DCHS2: variants seen among roughly 807,000 people sequenced by gnomAD.
The protein encoded by DCHS2 is protocadherin-23.
DCHS2 carries 142 observed loss-of-function variants against 182.4 expected under a neutral mutation model. The ratio of observed to expected loss-of-function variants is 0.78; its 90% CI spans 0.68 to 0.89. The LOEUF (loss-of-function observed/expected upper bound fraction) is 0.89, where lower values mean the gene tolerates loss of function less well. Ranked by LOEUF, DCHS2 falls within the 40% of genes least tolerant of loss-of-function variation. The pLI is 0.00. For synonymous variants in DCHS2, 1,740 were observed against 1,663.3 expected (o/e 1.05, Z -1.12); for missense variants, 4,319 against 4,198.6 (o/e 1.03, Z -0.79).
chr4:154,457,814 G>C (rs1210655948), intron 1 of DCHS2, among the ~76,000 whole-genome samples: 6 of 152,070 alleles, frequency 3.9e-5, no homozygotes, highest in Admixed American at 2.0e-4. Context: ...AGTACACCTG[G>C]GGGGAGCACG....
At position 154,329,831 on chromosome 4, in the gene DCHS2, A is replaced by G. The variant is rs1017267226; in HGVS notation, c.3731-121T>C. On this transcript the variant is annotated intron_variant, in intron 5 of 19. Transcript: ENST00000357232. ...GAGCAAATATGCGACTTCTAAGACC[A>G]TCTACATAGTAGTTTGGCTCTATGG... The G allele has an allele frequency of 2.4e-5, 20 of 849,446 alleles. No individual in the cohort carries two copies. The Admixed American group carries it at 5.5e-4, about 23-fold the overall frequency. 52.6% of individuals were successfully genotyped at this position (849,446 alleles called of 1,614,324 possible).
intron 1 of DCHS2, among the ~76,000 whole-genome samples, chr4:154,389,516 T>TTATATACATATATATATATATATATATA (rs1731576844): frequency 9.0e-6 from 1 of 111,132 alleles, no homozygotes; most frequent in Non-Finnish European, 2.0e-5. Flanking sequence ...AAGACAAAGG[T>TTATATACATATATATATATATATATATA]TATATATATA....
intron 1 of DCHS2, among the ~76,000 whole-genome samples, chr4:154,412,393 C>G (rs918084077): frequency 6.6e-6 from 1 of 152,084 alleles, no homozygotes; most frequent in Admixed American, 6.6e-5. Context: ...AGTCTAGCTG[C>G]CTTTCTCATC....
At chr4:154,477,248 C>A (rs1579119155) in intron 1 of DCHS2, among the ~76,000 whole-genome samples, 1 of 152,248 alleles carries the variant, frequency 6.6e-6, no homozygotes, top group Admixed American at 6.5e-5. Context: ...AGATTCAACT[C>A]CTCTCTCTTT....
At chr4:154,331,768 A>G in intron 5 of DCHS2, 2 of 1,554,640 alleles carry the variant, frequency 1.3e-6, no homozygotes, top group South Asian at 1.2e-5. Context: ...CTTTGGGTGT[A>G]CTACTCGAGC....
At chr4:154,332,380 ATT>A in intron 5 of DCHS2, 96 bp downstream of exon 5, 3 of 1,136,384 alleles carry the variant, frequency 2.6e-6, no homozygotes, top group African/African-American at 1.6e-5. Context: ...CTCAATCCTG[ATT>A]TTGTTTAATT....
At chr4:154,255,055 C>A (rs1487938623) in intron 16 of DCHS2, among the ~76,000 whole-genome samples, 2 of 152,146 alleles carry the variant, frequency 1.3e-5, no homozygotes, top group African/African-American at 4.8e-5. Flanking sequence ...AAGATCATTT[C>A]TATTAGAACA....
At chr4:154,457,379 A>T (rs1267666334) in intron 1 of DCHS2, among the ~76,000 whole-genome samples, 1 of 152,138 alleles carries the variant, frequency 6.6e-6, no homozygotes, top group Non-Finnish European at 1.5e-5. Context: ...ACCTTCTTTT[A>T]TCCTATTAAC....
intron 1 of DCHS2, among the ~76,000 whole-genome samples, chr4:154,420,067 C>T (rs1733039522): frequency 6.6e-6 from 1 of 151,968 alleles, no homozygotes; most frequent in Non-Finnish European, 1.5e-5. Context: ...GTTAGTTTAA[C>T]ACAGGTAGAA....
At chr4:154,414,194 T>G (rs71605203) in intron 1 of DCHS2, among the ~76,000 whole-genome samples, 45,488 of 142,504 alleles carry the variant, frequency 0.32, 7,800 homozygotes, top group Admixed American at 0.42. Context: ...TATATATATA[T>G]ATAGAGAGAG....
intron 15 of DCHS2, among the ~76,000 whole-genome samples, chr4:154,257,052 A>G (rs911639754): frequency 3.9e-5 from 6 of 152,156 alleles, no homozygotes; most frequent in African/African-American, 1.2e-4. Context: ...GATCAAGACC[A>G]TCCTGGCCAA....
chr4:154,470,937 A>G (rs1487957643), intron 1 of DCHS2, among the ~76,000 whole-genome samples: 1 of 152,186 alleles, frequency 6.6e-6, no homozygotes, highest in Non-Finnish European at 1.5e-5. Context: ...TTGGATATCA[A>G]GAGAAGGAAC....
At chr4:154,330,933 G>A (rs549146181) in intron 5 of DCHS2, among the ~76,000 whole-genome samples, 28 of 152,274 alleles carry the variant, frequency 1.8e-4, no homozygotes, top group African/African-American at 6.7e-4. Context: ...CAAATCTGAT[G>A]GATAAGCAGC....
intron 1 of DCHS2, among the ~76,000 whole-genome samples, chr4:154,441,321 T>C (rs1325939969): frequency 6.6e-6 from 1 of 152,182 alleles, no homozygotes; most frequent in African/African-American, 2.4e-5. Context: ...AAAGATAACA[T>C]TCTGAATCAG....
At chr4:154,409,719 G>A (rs888938083) in intron 1 of DCHS2, among the ~76,000 whole-genome samples, 2 of 152,122 alleles carry the variant, frequency 1.3e-5, no homozygotes, top group South Asian at 2.1e-4. Context: ...CACCAATGCC[G>A]TTGCTTAAGG....
chr4:154,286,084 C>T (rs545586826), intron 13 of DCHS2, among the ~76,000 whole-genome samples: 115 of 151,994 alleles, frequency 7.6e-4, no homozygotes, highest in African/African-American at 2.7e-3. Flanking sequence ...GCCTGGTAAT[C>T]AAGATAATTC....
Position 154,240,797 on chromosome 4 carries a change from G to A in DCHS2, c.7099C>T (p.His2367Tyr), listed in dbSNP as rs1035169638. 15 of 1,613,618 alleles carry A rather than the reference G, an allele frequency of 9.3e-6. No individual in the cohort carries two copies. Among genetic ancestry groups the A allele is most frequent in the African/African-American group, 1.3e-5 (1 of 74,918 alleles). Residue 2367 changes from histidine to tyrosine, a missense_variant, in exon 18 of 20, where the codon CAT becomes TAT. Physicochemically the swap from His to Tyr is moderately conservative, Grantham distance 83. Transcript: ENST00000357232. ...AAATCCACATCATGAACTGACACAT[G>A]AGTCACAATTACACCAGGCAAAGAA... ...EDSLPGVIVT[H>Y]VSVHDVDLNS...
intron 1 of DCHS2, among the ~76,000 whole-genome samples, chr4:154,467,736 T>TTAAATCATTTA (rs1735297289): frequency 6.6e-6 from 1 of 152,164 alleles, no homozygotes; most frequent in Non-Finnish European, 1.5e-5. Flanking sequence ...AATGGCAATT[T>TTAAATCATTTA]TGAAGAAATC....
chr4:154,346,957 GA>G (rs1394159125), intron 3 of DCHS2, among the ~76,000 whole-genome samples: 1 of 151,658 alleles, frequency 6.6e-6, no homozygotes, highest in Admixed American at 6.6e-5. Flanking sequence ...TAACTCTTGT[GA>G]ACCTGCTTAG....
Sources: gnomAD v4.1 joint callset for allele counts (sites outside exome capture counted in the v4.1 genomes callset) on GRCh38, gnomAD v4.1.1 for gene constraint, MANE v1.5 for transcripts, NCBI Gene and HGNC (gene_info 2026-07-23, HGNC 2026-07-21) for gene names.